CPM: variants seen among roughly 807,000 people sequenced by gnomAD.
The protein encoded by CPM is renal carboxypeptidase.
CPM carries 35 observed loss-of-function variants against 46.4 expected under a neutral mutation model. The observed-to-expected ratio is 0.75, with a 90% CI of 0.58 to 1.00. CPM has a LOEUF of 1.00. Among genes scored for constraint, CPM ranks in the 50% least tolerant of loss-of-function variants. The pLI is 0.00. For missense variants in CPM, 422 were observed against 530.4 expected, an observed-to-expected ratio of 0.80 and a Z score of 2.01; for synonymous variants, 195 against 195.3, an observed-to-expected ratio of 1.00 and a Z score of 0.01.
downstream of CPM, chr12:68,847,168 T>C (rs1884357133): frequency 9.7e-6 from 1 of 103,272 alleles, no homozygotes; most frequent in South Asian, 2.5e-4. Flanking sequence ...ATAATACATA[T>C]GTGTTTATGT....
rs1555191635 is a variant in CPM, at chr12:68,855,023, A to ATAAT, written c.*1413_*1414insATTA. 6.9e-6 allele frequency: 1 copy of ATAAT among 144,184 alleles called. No individual in the cohort carries two copies. The highest frequency in any genetic ancestry group is 2.6e-5 in the African/African-American group (1 of 39,174). The allele number at this position is 144,184 out of a possible 1,614,324, so 8.9% of individuals were successfully genotyped here. On this transcript the variant is annotated 3_prime_UTR_variant, in exon 9 of 9. Transcript: ENST00000551568. ...AGGCATGCACCACCACGCCCGACTA[A>ATAAT]TTTTTTTTTTTTTTTTAGTAGAGAT...
chr12:68,856,731 G>A (rs539768876), intron 8 of CPM, 52 bp from the exon 9 acceptor site: 23 of 1,587,446 alleles, frequency 1.4e-5, no homozygotes, highest in Non-Finnish European at 1.9e-5. Flanking sequence ...GGTTCGTGGT[G>A]CCCACACTGA....
At chr12:68,900,015 T>C (rs1887049440) in intron 2 of CPM, among the ~76,000 whole-genome samples, 1 of 152,224 alleles carries the variant, frequency 6.6e-6, no homozygotes, top group African/African-American at 2.4e-5. Flanking sequence ...TATTTTACTA[T>C]TTTTGTATTT....
chr12:68,924,355 T>G (rs1888167338), intron 2 of CPM, among the ~76,000 whole-genome samples: 1 of 151,410 alleles, frequency 6.6e-6, no homozygotes, highest in Non-Finnish European at 1.5e-5. Flanking sequence ...GGCGCAATGG[T>G]GGGTGCCTGT....
rs1491362513 is a variant in CPM, at chr12:68,923,158, A to AGTGT, written c.160+9519_160+9520insACAC. 2.5e-3 allele frequency among the ~76,000 whole-genome samples: 328 copies of AGTGT among 131,854 alleles called. 1 individual carries two copies. Among genetic ancestry groups the AGTGT allele is most frequent in the African/African-American group, 7.0e-3 (237 of 34,014 alleles). The allele number at this position is 131,854 out of a possible 152,430, so 86.5% of individuals were successfully genotyped here. Reference sequence around the variant, plus strand: ...CCAAATGCATGTTGGTATTTGATATAGAGTGTGTGTGTGTGTGTGTGTGTG... The same window carrying AGTGT: ...CCAAATGCATGTTGGTATTTGATATAGTGTGAGTGTGTGTGTGTGTGTGTGTGTG... On this transcript the variant is annotated intron_variant, in intron 2 of 8. Coordinates refer to ENST00000551568, the MANE Select transcript of CPM (RefSeq NM_198320.5).
intron 2 of CPM, among the ~76,000 whole-genome samples, chr12:68,907,392 T>C (rs985635614): frequency 2.6e-5 from 4 of 152,160 alleles, no homozygotes; most frequent in Admixed American, 2.6e-4. Context: ...TATTTAACTC[T>C]CTGGAGCCTC....
intron 2 of CPM, among the ~76,000 whole-genome samples, chr12:68,919,937 C>A (rs1887965122): frequency 1.3e-5 from 2 of 152,160 alleles, no homozygotes; most frequent in Admixed American, 6.5e-5. Flanking sequence ...AAATGTCATC[C>A]CCCATGTTAG....
intron 1 of CPM, among the ~76,000 whole-genome samples, chr12:68,949,467 A>G (rs1888901504): frequency 1.3e-5 from 2 of 152,326 alleles, no homozygotes; most frequent in South Asian, 4.1e-4. Context: ...TGGTGTTTAA[A>G]GTTGTAATTA....
chr12:68,858,946 A>G lies in CPM; in HGVS notation c.1066T>C (p.Leu356=), dbSNP rs764172106. The part of the protein sequence containing the change: ...NKYGEYYLLL[L]PGSYIINVTV... ...ACATTTATTATATAAGACCCAGGCA[A>G]GAGAAGGAGATAATACTCTCCATAT... The change falls in exon 8 of 9, where the codon TTG becomes CTG. Residue 356 remains leucine, a synonymous_variant. Coordinates refer to ENST00000551568, the MANE Select transcript of CPM (RefSeq NM_198320.5). 18 of 1,511,096 alleles carry G rather than the reference A, an allele frequency of 1.2e-5. No individual in the cohort carries two copies. Among genetic ancestry groups the G allele is most frequent in the Middle Eastern group, 1.9e-4 (1 of 5,404 alleles). The allele number at this position is 1,511,096 out of a possible 1,614,324, so 93.6% of individuals were successfully genotyped here.
chr12:68,873,233 C>A (rs7960670), intron 3 of CPM, among the ~76,000 whole-genome samples: 1 of 152,190 alleles, frequency 6.6e-6, no homozygotes, highest in African/African-American at 2.4e-5. Flanking sequence ...AATTTCCAGT[C>A]ATGATTTCAC....
chr12:68,898,640 G>A (rs953744970), intron 2 of CPM, among the ~76,000 whole-genome samples: 1 of 152,222 alleles, frequency 6.6e-6, no homozygotes, highest in Admixed American at 6.5e-5. Flanking sequence ...TGAGCAGCAC[G>A]TCACCTGCCT....
chr12:68,958,141 G>A (rs1010104003), intron 1 of CPM, among the ~76,000 whole-genome samples: 6 of 152,040 alleles, frequency 3.9e-5, no homozygotes, highest in African/African-American at 1.2e-4. Context: ...GAATAGTGCC[G>A]CAATAAACAT....
At chr12:68,899,315 C>T (rs1887018417) in intron 2 of CPM, among the ~76,000 whole-genome samples, 1 of 152,200 alleles carries the variant, frequency 6.6e-6, no homozygotes, top group South Asian at 2.1e-4. Flanking sequence ...ATTCCCAGGC[C>T]CTAACAGCAG....
downstream of CPM, chr12:68,846,832 G>GA (rs2136196638): frequency 6.6e-6 from 1 of 151,926 alleles, no homozygotes; most frequent in South Asian, 2.1e-4. Context: ...TGACCTTAGA[G>GA]ACAATAAATC....
intron 2 of CPM, among the ~76,000 whole-genome samples, chr12:68,914,240 G>T (rs756120403): frequency 2.4e-4 from 37 of 152,154 alleles, no homozygotes; most frequent in Non-Finnish European, 5.1e-4. Flanking sequence ...GTCATTAGAA[G>T]ACCTCTGCCC....
chr12:68,875,180 G>C (rs184404632), intron 3 of CPM, among the ~76,000 whole-genome samples: 7 of 151,800 alleles, frequency 4.6e-5, no homozygotes, highest in African/African-American at 1.7e-4. Context: ...GTAAAACCTC[G>C]TCTCTACTAA....
chr12:68,908,241 G>C lies in CPM; in HGVS notation c.161-22352C>G, dbSNP rs148625201. 5.1e-3 allele frequency among the ~76,000 whole-genome samples: 773 copies of C among 152,216 alleles called. 5 individuals are homozygous for C. The highest frequency in any genetic ancestry group is 0.018 in the African/African-American group (743 of 41,512). On this transcript the variant is annotated intron_variant, in intron 2 of 8. Coordinates refer to ENST00000551568, the MANE Select transcript of CPM (RefSeq NM_198320.5). ...TCCCTTCTCTGATTCATTCTGGCTG[G>C]TCTTCTAGTTCTTGCAAAGCTGTGA...
chr12:68,878,678 G>A lies in CPM; in HGVS notation c.259-6722C>T, dbSNP rs755067370. 1.1e-4 allele frequency among the ~76,000 whole-genome samples: 16 copies of A among 152,108 alleles called. No individual in the cohort carries two copies. In the South Asian group the frequency reaches 1.9e-3, roughly 18 times the overall value. ...CTGACTTGAGTAATAGTAAAACTCC[G>A]GTCTCCTGTTTAGTTGGCTTTGCAT... On this transcript the variant is annotated intron_variant, in intron 3 of 8. Transcript: ENST00000551568.
At chr12:68,861,902 G>T (rs1592635177) in intron 7 of CPM, among the ~76,000 whole-genome samples, 1 of 66,574 alleles carries the variant, frequency 1.5e-5, no homozygotes, top group Non-Finnish European at 2.6e-5. Flanking sequence ...GTAGTTGGCA[G>T]AAGACACCAA....
Sources: gnomAD v4.1 joint callset for allele counts (sites outside exome capture counted in the v4.1 genomes callset) on GRCh38, gnomAD v4.1.1 for gene constraint, MANE v1.5 for transcripts, NCBI Gene and HGNC (gene_info 2026-07-23, HGNC 2026-07-21) for gene names.